The following VIL1 variants were observed in gnomAD, a reference collection of about 807,000 sequenced individuals.
VIL1 encodes villin 1.
A neutral mutation model predicts 104.0 loss-of-function variants in VIL1; 86 were observed. The observed-to-expected ratio is 0.83, with a 90% CI of 0.69 to 0.99. VIL1 has a LOEUF of 0.99. Ranked by LOEUF, VIL1 falls within the 50% of genes least tolerant of loss-of-function variation. VIL1 has a pLI of 0.00. For synonymous variants in VIL1, 394 were observed against 412.6 expected, an observed-to-expected ratio of 0.95 and a Z score of 0.55; for missense variants, 944 against 1,054.1, an observed-to-expected ratio of 0.90 and a Z score of 1.45.
Position 218,424,367 on chromosome 2 carries a change from G to C in VIL1, c.150+16G>C. 1 of 1,613,204 alleles carries C rather than the reference G, an allele frequency of 6.2e-7. No homozygotes were observed. Among genetic ancestry groups the C allele is most frequent in the Admixed American group, 1.7e-5 (1 of 60,002 alleles). On this transcript the variant is annotated intron_variant, in intron 3 of 19. Coordinates refer to ENST00000248444, the MANE Select transcript of VIL1 (RefSeq NM_007127.3). ...CATCCTGGCTGTGAGTCAGGGGCAG[G>C]GGAGGGGGCTGAGCAGAGAGCAAAA... is the stretch of plus-strand genomic sequence containing the variant.
intron 13 of VIL1, 119 bp downstream of exon 13, chr2:218,433,070 G>A (rs551118200): frequency 2.4e-6 from 3 of 1,254,932 alleles, no homozygotes; most frequent in African/African-American, 3.0e-5. Context: ...TTCTTCATAG[G>A]AGACTACCCT....
In VIL1 at chr2:218,427,363, G is replaced by A. The variant is rs146529274; in HGVS notation, c.348-602G>A. Among the ~76,000 whole-genome samples the A allele has an allele frequency of 3.3e-3, 478 of 145,804 alleles. 1 individual carries two copies. Among genetic ancestry groups the A allele is most frequent in the African/African-American group, 0.012 (452 of 39,188 alleles). On this transcript the variant is annotated intron_variant, in intron 4 of 19. Coordinates refer to ENST00000248444, the MANE Select transcript of VIL1 (RefSeq NM_007127.3). ...TTTTGAGATGGAGTCTCACTCTGTC[G>A]CTTAGGCTAGAGTGCAATGGTGCGA...
intron 6 of VIL1, among the ~76,000 whole-genome samples, 199 bp from the exon 7 acceptor site, chr2:218,429,086 C>T (rs987246999): frequency 4.6e-5 from 7 of 152,222 alleles, no homozygotes; most frequent in African/African-American, 1.7e-4. Context: ...AGTGGGGAAA[C>T]CTGCTCTCCC....
chr2:218,427,715 T>G (rs933343055), intron 4 of VIL1, among the ~76,000 whole-genome samples: 3 of 152,090 alleles, frequency 2.0e-5, no homozygotes, highest in African/African-American at 7.2e-5. Context: ...CGAGTGAAGA[T>G]CTAGGGTGCA....
chr2:218,430,916 C>T lies in VIL1; in HGVS notation c.1102+38C>T, dbSNP rs770135102. 16 of 1,589,914 alleles carry T rather than the reference C, an allele frequency of 1.0e-5. No homozygotes were observed. In the South Asian group the frequency reaches 1.0e-4, roughly 10 times the overall value. ...CGGGGGCAGTGAGGGAGCCAGGATC[C>T]AGGAGCTGGGCCAGGAGAGCCACTT... On this transcript the variant is annotated intron_variant, in intron 10 of 19. Transcript: ENST00000248444.
intron 15 of VIL1, 61 bp downstream of exon 15, chr2:218,435,495 A>C: frequency 8.2e-6 from 13 of 1,575,864 alleles, no homozygotes; most frequent in Non-Finnish European, 1.1e-5. Context: ...CAGCATCTCC[A>C]TCCCTACACC....
intron 19 of VIL1, among the ~76,000 whole-genome samples, chr2:218,447,620 C>T (rs1689386727): frequency 6.6e-6 from 1 of 151,730 alleles, no homozygotes; most frequent in Non-Finnish European, 1.5e-5. Flanking sequence ...ACACCTGGCC[C>T]TAATAAAATC....
intron 15 of VIL1, among the ~76,000 whole-genome samples, chr2:218,435,699 A>C (rs949966135): frequency 8.5e-5 from 13 of 152,234 alleles, no homozygotes; most frequent in Non-Finnish European, 1.8e-4. Flanking sequence ...TCCTGGCCAT[A>C]GGAGGCAGCT....
intron 15 of VIL1, among the ~76,000 whole-genome samples, chr2:218,436,014 T>TTC (rs1689183517): frequency 6.6e-6 from 1 of 152,156 alleles, no homozygotes; most frequent in Admixed American, 6.5e-5. Context: ...AATTTTTGTA[T>TTC]TTTTAGTAAA....
At chr2:218,423,739 G>A (rs1288047388) in intron 1 of VIL1, 29 bp from the exon 2 acceptor site, 2 of 1,610,692 alleles carry the variant, frequency 1.2e-6, no homozygotes, top group African/African-American at 1.3e-5. Context: ...AACTCAGGGT[G>A]CCCCTGCTCC....
intron 1 of VIL1, among the ~76,000 whole-genome samples, chr2:218,423,009 A>T (rs1466444127): frequency 6.6e-6 from 1 of 152,188 alleles, no homozygotes; most frequent in Non-Finnish European, 1.5e-5. Context: ...GCCTAATTAA[A>T]TCAGAATCAC....
intron 15 of VIL1, among the ~76,000 whole-genome samples, chr2:218,435,641 C>A (rs1689177174): frequency 6.6e-6 from 1 of 152,236 alleles, no homozygotes; most frequent in Non-Finnish European, 1.5e-5. Context: ...GTGCTGCTCA[C>A]TACAGTATGC....
At chr2:218,431,373 AG>A (rs1689096411) in intron 10 of VIL1, among the ~76,000 whole-genome samples, 1 of 118,870 alleles carries the variant, frequency 8.4e-6, no homozygotes, top group Non-Finnish European at 1.8e-5. Flanking sequence ...AAAAAAAAAA[AG>A]GGGAGCTGTC....
chr2:218,437,196 C>T lies in VIL1; in HGVS notation c.2044C>T (p.Leu682Phe). ...KAAATTAQEY[L>F]KTHPSGRDPE... ...CGCAGCAACCACTGCACAGGAATAC[C>T]TCAAGACCCATCCCAGCGGGCGTGA... Residue 682 changes from leucine to phenylalanine, a missense_variant, in exon 17 of 20, where the codon CTC (leucine) becomes TTC (phenylalanine). By Grantham distance (22) the Leu-to-Phe change is conservative (BLOSUM62 0). Transcript: ENST00000248444. 1 of 1,614,198 alleles carries T rather than the reference C, an allele frequency of 6.2e-7. No individual in the cohort carries two copies. The highest frequency in any genetic ancestry group is 1.3e-5 in the African/African-American group (1 of 75,052).
At position 218,450,389 on chromosome 2, in the gene VIL1, A is replaced by G. The variant is rs1689449206; in HGVS notation, c.*1053A>G. The G allele has an allele frequency of 6.5e-6, 1 of 152,676 alleles. No individual in the cohort carries two copies. The allele number at this position is 152,676 out of a possible 1,614,324, so 9.5% of individuals were successfully genotyped here. The stretch of plus-strand genomic sequence containing the variant: ...AACACAGATAAAAGTGCCGCTCCAT[A>G]CAAAACATAAAGAATCAGAATCAAA... On this transcript the variant is annotated 3_prime_UTR_variant, in exon 20 of 20. Coordinates refer to ENST00000248444, the MANE Select transcript of VIL1 (RefSeq NM_007127.3).
chr2:218,430,832 CA>C lies in VIL1; in HGVS notation c.1058del (p.Asn353ThrfsTer6), dbSNP rs1405581886. 6.2e-7 allele frequency: 1 copy of C among 1,613,988 alleles called. No homozygotes were observed. The highest frequency in any genetic ancestry group is 1.7e-5 in the Admixed American group (1 of 59,988). On this transcript the variant is annotated frameshift_variant, in exon 10 of 20. Transcript: ENST00000248444. LOFTEE classifies it high-confidence loss of function. ...QQLFQKWTAS[N>X]RTSGLGKTHT... ...AGCTCTTCCAGAAGTGGACAGCGTC[CA>C]ACCGGACCTCAGGCCTAGGCAAAAC...
chr2:218,442,572 G>A (rs1689301365), intron 19 of VIL1, among the ~76,000 whole-genome samples: 1 of 152,088 alleles, frequency 6.6e-6, no homozygotes, highest in South Asian at 2.1e-4. Context: ...CTGGGCTCAA[G>A]TGATCCTCCC....
Position 218,424,101 on chromosome 2 carries a change from C to T in VIL1, c.76-176C>T, listed in dbSNP as rs182648309. On this transcript the variant is annotated intron_variant, in intron 2 of 19. Transcript: ENST00000248444. ...TCCTCACTCATCCCTTCCTTTCCCT[C>T]CATTGATTTTCCTTCTCCCGCCCCT... Among the ~76,000 whole-genome samples the T allele has an allele frequency of 2.9e-3, 439 of 152,248 alleles. 2 individuals carry two copies. Among genetic ancestry groups the T allele is most frequent in the Middle Eastern group, 6.8e-3 (2 of 294 alleles).
rs748442621 is a variant in VIL1 at position 218,431,912 on chromosome 2, G to A, written c.1158G>A (p.Val386=). ...DATSMHVKPQ[V]AAQQKMVDDG... is the part of the protein sequence containing the mutation. ...CATCCATGCATGTCAAGCCTCAGGT[G>A]GCTGCCCAGCAGAAGATGGTAGATG... The change falls in exon 11 of 20, where the codon GTG becomes GTA. Residue 386 remains valine, a synonymous_variant. Transcript: ENST00000248444. 4.3e-6 allele frequency: 7 copies of A among 1,613,854 alleles called. No homozygotes were observed. In the African/African-American group the frequency reaches 6.7e-5, roughly 15 times the overall value.
Sources: allele counts gnomAD v4.1 joint callset (sites outside exome capture counted in the v4.1 genomes callset), GRCh38; gene constraint gnomAD v4.1.1; transcripts MANE v1.5; gene names NCBI Gene and HGNC (gene_info 2026-07-23, HGNC 2026-07-21).